CAMTA1: variants seen among roughly 807,000 people sequenced by gnomAD.
CAMTA1 encodes calmodulin-binding transcription activator 1.
Under a neutral mutation model 170.9 loss-of-function variants are expected in CAMTA1, and 27 were observed. The ratio of observed to expected loss-of-function variants is 0.16; its 90% CI spans 0.12 to 0.22. The LOEUF (loss-of-function observed/expected upper bound fraction) is 0.22, where lower values mean the gene tolerates loss of function less well. Among genes scored for constraint, CAMTA1 ranks in the 10% least tolerant of loss-of-function variants. The probability of loss-of-function intolerance (pLI) is 1.00; values close to 1 mark genes in which losing one functional copy is unlikely to be tolerated. For missense variants in CAMTA1, 1,619 were observed against 2,217.2 expected, an observed-to-expected ratio of 0.73 and a Z score of 5.42; for synonymous variants, 833 against 891.5, an observed-to-expected ratio of 0.93 and a Z score of 1.17.
intron 22 of CAMTA1, among the ~76,000 whole-genome samples, chr1:7,759,884 A>G (rs1189354512): frequency 1.3e-5 from 2 of 152,186 alleles, no homozygotes; most frequent in Non-Finnish European, 2.9e-5. Flanking sequence ...TCTCTAAGAC[A>G]TTTATTTTTC....
intron 10 of CAMTA1, among the ~76,000 whole-genome samples, chr1:7,672,759 C>G (rs913362583): frequency 6.6e-6 from 1 of 152,080 alleles, no homozygotes; most frequent in Non-Finnish European, 1.5e-5. Context: ...AGCAGAAAAC[C>G]CCTGCTCCAC....
At chr1:7,189,893 C>G (rs890884067) in intron 4 of CAMTA1, among the ~76,000 whole-genome samples, 5 of 152,200 alleles carry the variant, frequency 3.3e-5, no homozygotes, top group African/African-American at 1.2e-4. Context: ...GTCCATCAGT[C>G]AACGAGTGGA....
At chr1:7,715,172 G>A (rs537048598) in intron 11 of CAMTA1, among the ~76,000 whole-genome samples, 6 of 152,236 alleles carry the variant, frequency 3.9e-5, no homozygotes, top group Non-Finnish European at 7.3e-5. Context: ...AAAGAGGCCC[G>A]GGGGAATGGG....
chr1:7,158,107 C>T (rs948844052), intron 4 of CAMTA1, among the ~76,000 whole-genome samples: 1 of 151,966 alleles, frequency 6.6e-6, no homozygotes, highest in Non-Finnish European at 1.5e-5. Flanking sequence ...TGCAGTGAGC[C>T]GAGATTGCAC....
At chr1:7,222,102 C>A (rs58566616) in intron 4 of CAMTA1, among the ~76,000 whole-genome samples, 6,543 of 152,252 alleles carry the variant, frequency 0.043, 423 homozygotes, top group African/African-American at 0.14. Flanking sequence ...ATTTTGCTGG[C>A]TTCTCATAAT....
At position 7,525,842 on chromosome 1, in the gene CAMTA1, C is replaced by T. The variant is rs117424594; in HGVS notation, c.510+57941C>T. On this transcript the variant is annotated intron_variant, in intron 6 of 22. Transcript: ENST00000303635. ...ATGTCACTTAGCGCCCAGGGCCAGG[C>T]GGGCAGCTGCTCACGGTCTGAAGAG... Among the ~76,000 whole-genome samples the T allele has an allele frequency of 9.3e-4, 142 of 152,126 alleles. No individual in the cohort carries two copies. In the East Asian group the frequency reaches 0.02, roughly 21 times the overall value.
intron 4 of CAMTA1, among the ~76,000 whole-genome samples, chr1:7,108,193 C>T (rs917958097): frequency 3.4e-4 from 51 of 152,106 alleles, no homozygotes; most frequent in Non-Finnish European, 2.8e-4. Context: ...CCTACCGAAG[C>T]GCTTGGTGGT....
Position 7,013,992 on chromosome 1 carries a change from T to C in CAMTA1, c.235-77312T>C, listed in dbSNP as rs138627976. Among the ~76,000 whole-genome samples the C allele has an allele frequency of 2.3e-3, 357 of 152,322 alleles. 3 individuals are homozygous for C. Among genetic ancestry groups the C allele is most frequent in the African/African-American group, 7.6e-3 (318 of 41,582 alleles). ...GAGGCAAGGCCGTGATCTTGGAACA[T>C]GGAAGCCCAGCACATTTGCTTGTCC... On this transcript the variant is annotated intron_variant, in intron 3 of 22. Transcript: ENST00000303635.
chr1:7,669,288 A>G (rs2096033104), intron 9 of CAMTA1, among the ~76,000 whole-genome samples: 1 of 152,196 alleles, frequency 6.6e-6, no homozygotes, highest in South Asian at 2.1e-4. Flanking sequence ...CCTTCCGTGG[A>G]AGAAGTCTCT....
At chr1:7,139,047 ATATATT>A (rs975113485) in intron 4 of CAMTA1, among the ~76,000 whole-genome samples, 23 of 143,916 alleles carry the variant, frequency 1.6e-4, no homozygotes, top group African/African-American at 4.6e-4. Context: ...ATTTATAAAT[ATATATT>A]TATATTTATT....
At chr1:7,517,125 G>C (rs943931538) in intron 6 of CAMTA1, among the ~76,000 whole-genome samples, 1 of 152,156 alleles carries the variant, frequency 6.6e-6, no homozygotes, top group African/African-American at 2.4e-5. Flanking sequence ...ACATAGATCT[G>C]CATAATCCTT....
In CAMTA1 at chr1:7,609,358, A is replaced by T. The variant is rs1420218899; in HGVS notation, c.511-31042A>T. Among the ~76,000 whole-genome samples the T allele has an allele frequency of 2.0e-5, 3 of 152,116 alleles. No individual in the cohort carries two copies. The highest frequency in any genetic ancestry group is 7.2e-5 in the African/African-American group (3 of 41,424). On this transcript the variant is annotated intron_variant, in intron 6 of 22. Coordinates refer to ENST00000303635, the MANE Select transcript of CAMTA1 (RefSeq NM_015215.4). The surrounding 1 kb of genome is among the most constrained non-coding windows in gnomAD (Gnocchi z 4.4). ...ATCAGACGCTGTTTTCCTGACACTC[A>T]ACACTCAAAATAATGATCTCGCTGG...
At chr1:6,869,033 A>C (rs1667602939) in intron 3 of CAMTA1, among the ~76,000 whole-genome samples, 1 of 152,214 alleles carries the variant, frequency 6.6e-6, no homozygotes, top group Non-Finnish European at 1.5e-5. Flanking sequence ...GTACTCTTTG[A>C]TTTAAAAATA....
At chr1:7,215,848 C>T (rs1659661161) in intron 4 of CAMTA1, among the ~76,000 whole-genome samples, 1 of 152,160 alleles carries the variant, frequency 6.6e-6, no homozygotes, top group Non-Finnish European at 1.5e-5. Flanking sequence ...CATTGATTAT[C>T]ACCTAACACG....
chr1:6,874,202 GCTGT>G (rs1669177868), intron 3 of CAMTA1: 1 of 152,192 alleles, frequency 6.6e-6, no homozygotes, highest in Non-Finnish European at 1.5e-5. Context: ...TCATCCTATG[GCTGT>G]GCCGTTGGCA....
chr1:6,902,888 G>A (rs1351154227), intron 3 of CAMTA1, among the ~76,000 whole-genome samples: 2 of 152,120 alleles, frequency 1.3e-5, no homozygotes, highest in South Asian at 2.1e-4. Context: ...CAACCCCTTG[G>A]GAGACTTGAT....
rs549681924 is a variant in CAMTA1, at chr1:7,041,323, G to A, written c.235-49981G>A. Among the ~76,000 whole-genome samples, 18 of 152,368 alleles carry A rather than the reference G, an allele frequency of 1.2e-4. No individual in the cohort carries two copies. The highest frequency in any genetic ancestry group is 4.3e-4 in the African/African-American group (18 of 41,586). ...GACCTGCGAGGCCTGGGCTGTGGCT[G>A]CTGTGGCTTTGCCAGCATCTATTGT... On this transcript the variant is annotated intron_variant, in intron 3 of 22. Transcript: ENST00000303635. This position sits in a 1 kb window ranked among gnomAD's most constrained non-coding sequence, Gnocchi z 5.1.
chr1:7,126,378 C>G (rs1001182609), intron 4 of CAMTA1, among the ~76,000 whole-genome samples: 1 of 152,194 alleles, frequency 6.6e-6, no homozygotes, highest in East Asian at 1.9e-4. Flanking sequence ...AAGCCTCTTT[C>G]CAGGCAGCTA....
rs1678537377 is a variant in CAMTA1, at chr1:6,906,581, TG to T, written c.234+81372del. ...AGCAATGGAGTTGGGCACTTTTAATTGATACCTTTAATAATTATTGTTCAAG... is the reference window on the plus strand; with the variant it reads ...AGCAATGGAGTTGGGCACTTTTAATTATACCTTTAATAATTATTGTTCAAG... On this transcript the variant is annotated intron_variant, in intron 3 of 22. Transcript: ENST00000303635. Among the ~76,000 whole-genome samples the T allele has an allele frequency of 3.3e-5, 5 of 152,102 alleles. No individual in the cohort carries two copies. The South Asian group carries it at 1.0e-3, about 32-fold the overall frequency.
Sources: allele counts gnomAD v4.1 joint callset (sites outside exome capture counted in the v4.1 genomes callset), GRCh38; gene constraint gnomAD v4.1.1; non-coding constraint Gnocchi (gnomAD v3.1); transcripts MANE v1.5; gene names NCBI Gene and HGNC (gene_info 2026-07-23, HGNC 2026-07-21).